The following COBLL1 variants were observed in gnomAD, a reference collection of about 807,000 sequenced individuals.
COBLL1 encodes the protein cordon-bleu WH2 repeat protein like 1.
COBLL1 carries 50 observed loss-of-function variants against 94.8 expected under a neutral mutation model. The ratio of observed to expected loss-of-function variants is 0.53; its 90% CI spans 0.42 to 0.67. The LOEUF is 0.67. Among genes scored for constraint, COBLL1 ranks in the 30% least tolerant of loss-of-function variants. The probability of loss-of-function intolerance (pLI) is 0.00; values close to 1 mark genes in which losing one functional copy is unlikely to be tolerated. For missense variants in COBLL1, 1,362 were observed against 1,348.7 expected, an observed-to-expected ratio of 1.01 and a Z score of -0.15; for synonymous variants, 448 against 473.8, an observed-to-expected ratio of 0.95 and a Z score of 0.71.
intron 2 of COBLL1, among the ~76,000 whole-genome samples, chr2:164,769,293 C>G (rs1462233945): frequency 1.3e-5 from 2 of 152,178 alleles, no homozygotes; most frequent in Admixed American, 6.6e-5. Flanking sequence ...AATAAATTAT[C>G]CTCAGCCATT....
chr2:164,702,575 A>AAAAAAAAAAAT (rs1553469790), intron 9 of COBLL1, among the ~76,000 whole-genome samples: 2 of 135,068 alleles, frequency 1.5e-5, no homozygotes, highest in African/African-American at 6.0e-5. Context: ...AAAAAAAAAA[A>AAAAAAAAAAAT]AATAATAATA....
chr2:164,722,661 A>T, intron 5 of COBLL1, 139 bp from the exon 6 acceptor site: 1 of 439,894 alleles, frequency 2.3e-6, no homozygotes, highest in African/African-American at 2.0e-5. Context: ...AGCACCTTAA[A>T]TCTTATTAAG....
chr2:164,687,433 G>A (rs1344037296), intron 13 of COBLL1: 10 of 1,103,438 alleles, frequency 9.1e-6, no homozygotes, highest in Admixed American at 3.4e-5. Context: ...GAAGTGGATC[G>A]TCTGGCAGCC....
chr2:164,775,553 A>G (rs1688423787), intron 2 of COBLL1, among the ~76,000 whole-genome samples: 1 of 152,058 alleles, frequency 6.6e-6, no homozygotes, highest in Non-Finnish European at 1.5e-5. Flanking sequence ...ACCTCCGCCT[A>G]CCAGATTCAA....
intron 2 of COBLL1, among the ~76,000 whole-genome samples, chr2:164,783,953 G>T (rs997024348): frequency 2.6e-5 from 4 of 152,120 alleles, no homozygotes; most frequent in Admixed American, 1.3e-4. Flanking sequence ...GCAACAGAGA[G>T]CTACCCTGTC....
chr2:164,818,153 T>C (rs1684876270), intron 2 of COBLL1, among the ~76,000 whole-genome samples: 2 of 151,446 alleles, frequency 1.3e-5, no homozygotes, highest in Non-Finnish European at 1.5e-5. Context: ...TGTACATGTA[T>C]ACGTGTATGT....
Position 164,700,866 on chromosome 2 carries a change from ATTCTGCCTCAAAAATAATAGTGAAG to A in COBLL1, c.1226-135_1226-111del, listed in dbSNP as rs1684216992. On this transcript the variant is annotated intron_variant, in intron 9 of 13. Transcript: ENST00000652658. ...ATAATAATTAGCTGGACTCTTTTAAATTCTGCCTCAAAAATAATAGTGAAGTTCTTTCTCCTGGTGAGCAGTCACG... is the reference window on the plus strand; with the variant it reads ...ATAATAATTAGCTGGACTCTTTTAAATTCTTTCTCCTGGTGAGCAGTCACG... 5.9e-6 allele frequency: 4 copies of A among 680,744 alleles called. No homozygotes were observed. In the Admixed American group the frequency reaches 1.1e-4, roughly 19 times the overall value. 42.2% of individuals were successfully genotyped at this position (680,744 alleles called of 1,614,324 possible).
At chr2:164,752,745 C>G (rs1687190688) in intron 2 of COBLL1, among the ~76,000 whole-genome samples, 1 of 152,120 alleles carries the variant, frequency 6.6e-6, no homozygotes, top group African/African-American at 2.4e-5. Flanking sequence ...ACCACTGAGA[C>G]AGCTACTTCC....
intron 2 of COBLL1, among the ~76,000 whole-genome samples, chr2:164,754,234 G>A (rs1439499374): frequency 6.6e-6 from 1 of 152,136 alleles, no homozygotes; most frequent in East Asian, 1.9e-4. Context: ...TATATACTCA[G>A]TTTAAGGAAA....
chr2:164,841,643 C>A lies in COBLL1; in HGVS notation c.-51+67G>T. ...GCCGAGTTTGCACAAACAAAACGCC[C>A]TAGGAAAACTTTTCCCGAAGAGAAG... On this transcript the variant is annotated intron_variant, in intron 1 of 13. Coordinates refer to ENST00000652658, the MANE Select transcript of COBLL1 (RefSeq NM_001365672.2). The surrounding 1 kb of genome is among the most constrained non-coding windows in gnomAD (Gnocchi z 5.5). The A allele has an allele frequency of 2.9e-6, 1 of 348,838 alleles. No individual in the cohort carries two copies. Among genetic ancestry groups the A allele is most frequent in the Non-Finnish European group, 5.0e-6 (1 of 199,270 alleles). 21.6% of individuals were successfully genotyped at this position (348,838 alleles called of 1,614,324 possible). A position where few individuals can be genotyped will look rare whatever the true frequency, so the allele number is the denominator to read the frequency against.
chr2:164,663,179 C>T (rs1691098786), intron 2 of COBLL1, among the ~76,000 whole-genome samples: 1 of 152,118 alleles, frequency 6.6e-6, no homozygotes, highest in Non-Finnish European at 1.5e-5. Flanking sequence ...GCAACCTGCA[C>T]ATTTAAATTT....
chr2:164,784,853 A>T (rs896411887), intron 2 of COBLL1, among the ~76,000 whole-genome samples: 2 of 152,106 alleles, frequency 1.3e-5, no homozygotes, highest in Non-Finnish European at 2.9e-5. Context: ...ATACATATAA[A>T]ATGAAGGTGC....
chr2:164,797,708 T>C (rs1683541257), intron 2 of COBLL1, among the ~76,000 whole-genome samples: 1 of 152,208 alleles, frequency 6.6e-6, no homozygotes, highest in South Asian at 2.1e-4. Flanking sequence ...CTTTCTACAG[T>C]ACATATTTCT....
intron 3 of COBLL1, chr2:164,738,383 A>G (rs988214680): frequency 2.6e-5 from 4 of 152,232 alleles, no homozygotes; most frequent in Non-Finnish European, 4.4e-5. Flanking sequence ...GATGAAGACC[A>G]TATACAGATC....
intron 7 of COBLL1, among the ~76,000 whole-genome samples, chr2:164,715,881 C>T (rs1474471154): frequency 6.6e-6 from 1 of 152,010 alleles, no homozygotes; most frequent in Non-Finnish European, 1.5e-5. Flanking sequence ...ATGTGCCATC[C>T]CCGTAGCCAG....
At chr2:164,833,016 C>A (rs936518211) in intron 2 of COBLL1, among the ~76,000 whole-genome samples, 1 of 151,902 alleles carries the variant, frequency 6.6e-6, no homozygotes, top group African/African-American at 2.4e-5. Context: ...GCACTCCAGC[C>A]TGGTCAACAA....
chr2:164,813,983 G>A (rs1037466983), intron 2 of COBLL1, among the ~76,000 whole-genome samples: 29 of 152,200 alleles, frequency 1.9e-4, no homozygotes, highest in African/African-American at 6.5e-4. Flanking sequence ...ATAAGAAAAC[G>A]GCACATCCTT....
At chr2:164,759,008 T>C (rs1311307519) in intron 2 of COBLL1, among the ~76,000 whole-genome samples, 1 of 152,150 alleles carries the variant, frequency 6.6e-6, no homozygotes, top group Non-Finnish European at 1.5e-5. Flanking sequence ...AAACATTAAA[T>C]GTGAGAGTTA....
intron 2 of COBLL1, among the ~76,000 whole-genome samples, chr2:164,747,253 G>A (rs1160866907): frequency 6.6e-6 from 1 of 152,032 alleles, no homozygotes; most frequent in East Asian, 1.9e-4. Flanking sequence ...ATACACACTG[G>A]ATTTATTAGC....
Sources: gnomAD v4.1 joint callset for allele counts (sites outside exome capture counted in the v4.1 genomes callset) on GRCh38, gnomAD v4.1.1 for gene constraint, Gnocchi (gnomAD v3.1) non-coding constraint, MANE v1.5 for transcripts, NCBI Gene and HGNC (gene_info 2026-07-23, HGNC 2026-07-21) for gene names.